The following AFAP1L2 variants were observed in gnomAD, a reference collection of about 807,000 sequenced individuals.
AFAP1L2 encodes actin filament-associated protein 1-like 2.
AFAP1L2 carries 46 observed loss-of-function variants against 99.3 expected under a neutral mutation model. The observed-to-expected ratio is 0.46, with a 90% CI of 0.37 to 0.59. The LOEUF (loss-of-function observed/expected upper bound fraction) is 0.59, where lower values mean the gene tolerates loss of function less well. Ranked by LOEUF, AFAP1L2 falls within the 20% of genes least tolerant of loss-of-function variation. The pLI, the probability that AFAP1L2 is intolerant of heterozygous loss-of-function variation, is 0.00. For synonymous variants in AFAP1L2, 397 were observed against 419.1 expected, an observed-to-expected ratio of 0.95 and a Z score of 0.64; for missense variants, 959 against 1,034.9, an observed-to-expected ratio of 0.93 and a Z score of 1.01.
the AFAP1L2 span, among the ~76,000 whole-genome samples, chr10:114,281,428 A>G: frequency 2.2e-4 from 33 of 152,280 alleles, no homozygotes; most frequent in Admixed American, 1.2e-3. Context: ...GTGTTCCGGT[A>G]ATTATGTGAC....
At chr10:114,378,045 G>C (rs1200778264) in intron 1 of AFAP1L2, among the ~76,000 whole-genome samples, 2 of 152,200 alleles carry the variant, frequency 1.3e-5, no homozygotes, top group Non-Finnish European at 1.5e-5. Flanking sequence ...AACAGAACCC[G>C]TGTTAAGGGA....
chr10:114,313,514 C>T (rs2043597189), intron 7 of AFAP1L2, among the ~76,000 whole-genome samples: 1 of 152,166 alleles, frequency 6.6e-6, no homozygotes, highest in Non-Finnish European at 1.5e-5. Flanking sequence ...CCCCAGCCAT[C>T]CCCAGTGTGG....
chr10:114,399,188 G>C (rs537670472), intron 1 of AFAP1L2, among the ~76,000 whole-genome samples: 13 of 152,358 alleles, frequency 8.5e-5, no homozygotes, highest in Middle Eastern at 3.4e-3. Flanking sequence ...TCTTGAAGGA[G>C]TTCAGCCTGG....
chr10:114,315,693 G>T lies in AFAP1L2; in HGVS notation c.479C>A (p.Pro160His). ...GGCCTCCGGCGAGGGCCACTGGTAA[G>T]GGGCCGACTTGCCCTTGCTGCCGTC... ...EEDGSKGKSAPYQWPSPEAGI... is the reference protein window; with the variant it reads ...EEDGSKGKSAHYQWPSPEAGI... Residue 160 changes from proline (P) to histidine (H), a missense_variant, in exon 6 of 19, where the codon CCT becomes CAT. Transcript: ENST00000304129. 6.2e-7 allele frequency: 1 copy of T among 1,613,804 alleles called. No individual in the cohort carries two copies. The highest frequency in any genetic ancestry group is 8.5e-7 in the Non-Finnish European group (1 of 1,179,984).
chr10:114,386,410 A>G (rs1025585169), intron 1 of AFAP1L2, among the ~76,000 whole-genome samples: 1 of 152,160 alleles, frequency 6.6e-6, no homozygotes, highest in Admixed American at 6.5e-5. Context: ...CCAAAAAAAG[A>G]AAAAAGGAAA....
chr10:114,339,189 T>C (rs7903039), intron 2 of AFAP1L2, among the ~76,000 whole-genome samples: 4,907 of 152,360 alleles, frequency 0.032, 123 homozygotes, highest in African/African-American at 0.059. Flanking sequence ...CCGGGCGCGG[T>C]GGCTCACGCC....
downstream of AFAP1L2, among the ~76,000 whole-genome samples, chr10:114,294,450 G>C (rs951926457): frequency 5.9e-5 from 9 of 152,018 alleles, no homozygotes; most frequent in African/African-American, 2.2e-4. Flanking sequence ...ACCCGATTTT[G>C]ATTTTGTCAT....
At chr10:114,357,100 G>A (rs909593712) in intron 1 of AFAP1L2, among the ~76,000 whole-genome samples, 19 of 152,262 alleles carry the variant, frequency 1.2e-4, no homozygotes, top group African/African-American at 4.6e-4. Context: ...TAATGTTTCA[G>A]CCAAAATTTG....
At chr10:114,318,078 T>G (rs1430556758) in intron 5 of AFAP1L2, among the ~76,000 whole-genome samples, 5 of 152,204 alleles carry the variant, frequency 3.3e-5, no homozygotes, top group African/African-American at 1.2e-4. Context: ...GAACTATACA[T>G]GCAAACAGAT....
intron 1 of AFAP1L2, among the ~76,000 whole-genome samples, chr10:114,396,614 T>A (rs146108556): frequency 6.6e-6 from 1 of 152,188 alleles, no homozygotes; most frequent in African/African-American, 2.4e-5. Context: ...GAAATAATTA[T>A]CCTGCAGACT....
At position 114,297,315 on chromosome 10, in the gene AFAP1L2, T is replaced by G; in HGVS notation, c.2212A>C (p.Met738Leu). Residue 738 changes from methionine to leucine, a missense_variant, in exon 17 of 19, where the codon ATG becomes CTG. By Grantham distance (15) the Met-to-Leu change is conservative (BLOSUM62 2). Transcript: ENST00000304129. ...TTCTTCAGGTTGTCCTTCACCTCCATGATGCTGAGCTCCAGGTCCACGCGC... is the reference window on the plus strand; with the variant it reads ...TTCTTCAGGTTGTCCTTCACCTCCAGGATGCTGAGCTCCAGGTCCACGCGC... ...SRRVDLELSI[M>L]EVKDNLKKAE... 6.2e-7 allele frequency: 1 copy of G among 1,614,002 alleles called. No individual in the cohort carries two copies. The highest frequency in any genetic ancestry group is 8.5e-7 in the Non-Finnish European group (1 of 1,180,020).
chr10:114,352,479 T>TTAAAA (rs1554930287), intron 1 of AFAP1L2, among the ~76,000 whole-genome samples: 1 of 71,372 alleles, frequency 1.4e-5, no homozygotes, highest in African/African-American at 5.5e-5. Flanking sequence ...GTCTCCAAAT[T>TTAAAA]AAAAAAAAAA....
intron 4 of AFAP1L2, 146 bp from the exon 5 acceptor site, chr10:114,323,407 T>C (rs2045703613): frequency 1.5e-6 from 1 of 667,958 alleles, no homozygotes; most frequent in Non-Finnish European, 2.6e-6. Flanking sequence ...GAACATGCAG[T>C]ATCATGAATC....
At chr10:114,360,755 T>G (rs2052277185) in intron 1 of AFAP1L2, among the ~76,000 whole-genome samples, 2 of 152,216 alleles carry the variant, frequency 1.3e-5, no homozygotes, top group African/African-American at 2.4e-5. Flanking sequence ...TAAAACTTCC[T>G]AGGTACTTTT....
rs769308353 is a variant in AFAP1L2 at position 114,310,404 on chromosome 10, A to G, written c.832T>C (p.Ser278Pro). 9 of 1,613,938 alleles carry G rather than the reference A, an allele frequency of 5.6e-6. No homozygotes were observed. The South Asian group carries it at 9.9e-5, about 18-fold the overall frequency. Residue 278 changes from serine (S) to proline (P), a missense_variant, in exon 8 of 19, where the codon TCT becomes CCT. By Grantham distance (74) the Ser-to-Pro change is moderately conservative (BLOSUM62 -1). Transcript: ENST00000304129. ...TCCGGGGTGTACTGGTTTCCTTCAG[A>G]TGCTCCTTCGGAAGGCAGGCCGCTC... ...EVSGLPSEGA[S>P]EGNQYTPDAQ...
chr10:114,302,928 C>G (rs1015179962), intron 11 of AFAP1L2, among the ~76,000 whole-genome samples: 1 of 152,168 alleles, frequency 6.6e-6, no homozygotes, highest in Non-Finnish European at 1.5e-5. Context: ...ACAAGACTTC[C>G]TGGATCCCCA....
chr10:114,325,401 G>A lies in AFAP1L2; in HGVS notation c.316-2140C>T, dbSNP rs189070746. Among the ~76,000 whole-genome samples the A allele has an allele frequency of 1.7e-3, 253 of 152,292 alleles. 1 individual carries two copies. The highest frequency in any genetic ancestry group is 5.6e-3 in the African/African-American group (231 of 41,566). On this transcript the variant is annotated intron_variant, in intron 4 of 18. Transcript: ENST00000304129. ...TGAGACGAAGAGGATCGACCCTGTC[G>A]GGGCATCGCAGAGGGTTGGCTGAGG... is the stretch of plus-strand genomic sequence containing the variant.
Position 114,296,049 on chromosome 10 carries a change from G to C in AFAP1L2, c.2450C>G (p.Ala817Gly), listed in dbSNP as rs765653669. The C allele has an allele frequency of 5.0e-6, 8 of 1,614,062 alleles. No homozygotes were observed. The highest frequency in any genetic ancestry group is 6.8e-6 in the Non-Finnish European group (8 of 1,179,974). Residue 817 changes from alanine (A) to glycine (G), a missense_variant, in exon 19 of 19, where the codon GCA (alanine) becomes GGA (glycine). By Grantham distance (60) the Ala-to-Gly change is moderately conservative. Coordinates refer to ENST00000304129, the MANE Select transcript of AFAP1L2 (RefSeq NM_001001936.3). Reference sequence around the variant, plus strand: ...TTAGATGAAGCTTGTTTTCTAACTTGCTCCTTTCTTCTCCCATTCCTAGGG... The same window carrying C: ...TTAGATGAAGCTTGTTTTCTAACTTCCTCCTTTCTTCTCCCATTCCTAGGG... ...QKAKEWEKKG[A>G]S
At chr10:114,288,924 G>C in the AFAP1L2 span, 1 of 1,588,328 alleles carries the variant, frequency 6.3e-7, no homozygotes, top group Non-Finnish European at 8.6e-7. Context: ...AAGCCCCTCT[G>C]CTTGCTCCTG....
Sources: gnomAD v4.1 joint callset for allele counts (sites outside exome capture counted in the v4.1 genomes callset) on GRCh38, gnomAD v4.1.1 for gene constraint, MANE v1.5 for transcripts, NCBI Gene and HGNC (gene_info 2026-07-23, HGNC 2026-07-21) for gene names.